AMPD3: variants seen among roughly 807,000 people sequenced by gnomAD.
The protein encoded by AMPD3 is adenosine monophosphate deaminase 3.
Under a neutral mutation model 82.3 loss-of-function variants are expected in AMPD3, and 57 were observed. That is an observed-to-expected ratio of 0.69 (90% CI 0.56 to 0.86). The LOEUF is 0.86. Ranked by LOEUF, AMPD3 falls within the 40% of genes least tolerant of loss-of-function variation. AMPD3 has a pLI of 0.00. For missense variants in AMPD3, 870 were observed against 1,003.8 expected, an observed-to-expected ratio of 0.87 and a Z score of 1.80; for synonymous variants, 381 against 394.7, an observed-to-expected ratio of 0.97 and a Z score of 0.41.
chr11:10,503,328 A>G (rs1370156817), intron 13 of AMPD3, among the ~76,000 whole-genome samples: 6 of 152,224 alleles, frequency 3.9e-5, no homozygotes, highest in Non-Finnish European at 8.8e-5. Flanking sequence ...AATCAATGCT[A>G]TTATAATTTC....
At chr11:10,487,489 T>A in intron 6 of AMPD3, 125 bp downstream of exon 6, 2 of 1,385,158 alleles carry the variant, frequency 1.4e-6, no homozygotes. Context: ...AGGGCGGCCT[T>A]CGTGGCCAGA....
chr11:10,475,631 A>G (rs577459107), intron 2 of AMPD3, among the ~76,000 whole-genome samples: 1 of 152,320 alleles, frequency 6.6e-6, no homozygotes, highest in South Asian at 2.1e-4. Flanking sequence ...AATATGGCAC[A>G]GTTGACCTTA....
intron 2 of AMPD3, among the ~76,000 whole-genome samples, chr11:10,471,713 T>G (rs546651926): frequency 1.3e-5 from 2 of 152,350 alleles, no homozygotes; most frequent in East Asian, 3.9e-4. Flanking sequence ...TCATCACTGG[T>G]CATTAGAGAA....
chr11:10,464,440 C>A (rs1848359804), intron 2 of AMPD3, among the ~76,000 whole-genome samples: 1 of 152,078 alleles, frequency 6.6e-6, no homozygotes, highest in South Asian at 2.1e-4. Context: ...GAATCTAGAC[C>A]CCACACTTCA....
chr11:10,463,436 G>T (rs1848329315), intron 2 of AMPD3, among the ~76,000 whole-genome samples: 1 of 152,148 alleles, frequency 6.6e-6, no homozygotes, highest in African/African-American at 2.4e-5. Context: ...GCTCATCCCT[G>T]GAGGGTCAAG....
intron 9 of AMPD3, 39 bp from the exon 10 acceptor site, chr11:10,496,773 T>C (rs1218974684): frequency 3.1e-6 from 5 of 1,614,060 alleles, no homozygotes; most frequent in Non-Finnish European, 2.5e-6. Context: ...CAGCAGGCTG[T>C]TGGATCCACC....
intron 4 of AMPD3, 95 bp from the exon 5 acceptor site, chr11:10,484,725 G>T: frequency 6.7e-7 from 1 of 1,482,970 alleles, no homozygotes; most frequent in Non-Finnish European, 9.4e-7. Flanking sequence ...GTTGGATTTT[G>T]GGCAGGAAGG....
intron 5 of AMPD3, among the ~76,000 whole-genome samples, chr11:10,486,174 C>G (rs1849063575): frequency 6.6e-6 from 1 of 152,136 alleles, no homozygotes; most frequent in Non-Finnish European, 1.5e-5. Context: ...AGGATCCTGC[C>G]TAGGGAGAGA....
intron 2 of AMPD3, among the ~76,000 whole-genome samples, chr11:10,474,794 T>G (rs1442505473): frequency 1.3e-5 from 2 of 151,928 alleles, no homozygotes; most frequent in Non-Finnish European, 2.9e-5. Context: ...TTGGCAGGAG[T>G]GTGCTTCTGC....
intron 1 of AMPD3, chr11:10,461,095 G>C (rs1591439989): frequency 1.7e-6 from 2 of 1,183,306 alleles, no homozygotes; most frequent in Non-Finnish European, 2.1e-6. Context: ...TCTGTGAAGT[G>C]GGGGAGTGAG....
chr11:10,506,008 A>G lies in AMPD3; in HGVS notation c.*124A>G. On this transcript the variant is annotated 3_prime_UTR_variant, in exon 15 of 15. Coordinates refer to ENST00000396553, the MANE Select transcript of AMPD3 (RefSeq NM_001025389.2). The surrounding 1 kb of genome is among the most constrained non-coding windows in gnomAD (Gnocchi z 4.1). The stretch of plus-strand genomic sequence containing the variant: ...GAGGATGCCTCTGAAGAAATTTTAA[A>G]CTGGTGATTTTGGTTGCACTGCTCA... 1 of 1,157,498 alleles carries G rather than the reference A, an allele frequency of 8.6e-7. No homozygotes were observed. The highest frequency in any genetic ancestry group is 1.3e-6 in the Non-Finnish European group (1 of 789,046). 71.7% of individuals were successfully genotyped at this position (1,157,498 alleles called of 1,614,324 possible). A position where few individuals can be genotyped will look rare whatever the true frequency, so the allele number is the denominator to read the frequency against.
intron 2 of AMPD3, among the ~76,000 whole-genome samples, chr11:10,468,076 A>C (rs1339541193): frequency 6.6e-6 from 1 of 152,242 alleles, no homozygotes; most frequent in Non-Finnish European, 1.5e-5. Context: ...CCAAATTGTA[A>C]AGACTATCAA....
At chr11:10,478,493 T>G (rs1352663634) in intron 2 of AMPD3, 33 bp from the exon 3 acceptor site, 4 of 1,612,748 alleles carry the variant, frequency 2.5e-6, no homozygotes, top group Non-Finnish European at 3.4e-6. Flanking sequence ...TAGCTTCTGA[T>G]GTCTCCCACT....
chr11:10,482,925 G>A (rs1848956465), intron 4 of AMPD3, among the ~76,000 whole-genome samples: 1 of 152,224 alleles, frequency 6.6e-6, no homozygotes, highest in Non-Finnish European at 1.5e-5. Flanking sequence ...TGTTCCCTGG[G>A]AAGACATGTA....
Position 10,501,531 on chromosome 11 carries a change from C to T in AMPD3, c.1783C>T (p.His595Tyr), listed in dbSNP as rs1422718459. The change falls in exon 12 of 15, where the codon CAC (histidine) becomes TAC (tyrosine). Residue 595 changes from histidine to tyrosine, a missense_variant. Coordinates refer to ENST00000396553, the MANE Select transcript of AMPD3 (RefSeq NM_001025389.2). ...CTGTGGGGAAGCCGGCTCCATCACC[C>T]ACCTGGTGTCTGCCTTCCTCACTGC... ...PHCGEAGSIT[H>Y]LVSAFLTADN... 1.9e-6 allele frequency: 3 copies of T among 1,614,154 alleles called. No individual in the cohort carries two copies. The highest frequency in any genetic ancestry group is 2.2e-5 in the South Asian group (2 of 91,072).
Position 10,495,648 on chromosome 11 carries a change from G to A in AMPD3, c.1345G>A (p.Glu449Lys). ...RLSIYGRSPE[E>K]WPNLAYWFIQ... ...CTCCATCTACGGCCGCAGTCCTGAGGAGTGGCCCAACCTGGCCTACTGGTT... is the reference window on the plus strand; with the variant it reads ...CTCCATCTACGGCCGCAGTCCTGAGAAGTGGCCCAACCTGGCCTACTGGTT... The change falls in exon 9 of 15, where the codon GAG becomes AAG. Residue 449 changes from glutamate to lysine, a missense_variant. Coordinates refer to ENST00000396553, the MANE Select transcript of AMPD3 (RefSeq NM_001025389.2). 6.2e-7 allele frequency: 1 copy of A among 1,614,070 alleles called. No homozygotes were observed. The highest frequency in any genetic ancestry group is 8.5e-7 in the Non-Finnish European group (1 of 1,180,024).
intron 2 of AMPD3, among the ~76,000 whole-genome samples, chr11:10,469,533 C>G (rs1375944487): frequency 6.6e-6 from 1 of 152,166 alleles, no homozygotes; most frequent in Non-Finnish European, 1.5e-5. Context: ...AAGCCCAGAA[C>G]CAGACAGATT....
chr11:10,450,998 C>G, upstream of AMPD3: 1 of 1,574,624 alleles, frequency 6.4e-7, no homozygotes, highest in Non-Finnish European at 8.6e-7. Flanking sequence ...TCCAGCCCTG[C>G]GGCCGTCCCT....
chr11:10,494,976 G>A lies in AMPD3; in HGVS notation c.1212G>A (p.Leu404=), dbSNP rs754759080. 1 of 1,614,234 alleles carries A rather than the reference G, an allele frequency of 6.2e-7. No individual in the cohort carries two copies. The highest frequency in any genetic ancestry group is 8.5e-7 in the Non-Finnish European group (1 of 1,180,032). Residue 404 remains leucine, a synonymous_variant, in exon 8 of 15, where the codon CTG becomes CTA. Transcript: ENST00000396553. ...NPVGASELRD[L]YLKTENYLGG... ...TGGGGGCCAGTGAGCTGCGTGACCTGTATTTGAAAACTGAAAACTATCTGG... is the reference window on the plus strand; with the variant it reads ...TGGGGGCCAGTGAGCTGCGTGACCTATATTTGAAAACTGAAAACTATCTGG...
Sources: gnomAD v4.1 joint callset for allele counts (sites outside exome capture counted in the v4.1 genomes callset) on GRCh38, gnomAD v4.1.1 for gene constraint, Gnocchi (gnomAD v3.1) non-coding constraint, MANE v1.5 for transcripts, NCBI Gene and HGNC (gene_info 2026-07-23, HGNC 2026-07-21) for gene names.